The following ZNF678 variants were observed in gnomAD, a reference collection of about 807,000 sequenced individuals.
ZNF678 encodes hypothetical protein MGC42493.
ZNF678 carries 5 observed loss-of-function variants against 3.0 expected under a neutral mutation model. That is an observed-to-expected ratio of 1.69 (90% CI 0.88 to 3.56). The LOEUF is 3.56. ZNF678 is among the 30% of genes most tolerant of loss of function. ZNF678 has a pLI of 0.00. For synonymous variants in ZNF678, 218 were observed against 199.6 expected (o/e 1.09, Z -0.78); for missense variants, 593 against 605.0 (o/e 0.98, Z 0.21).
chr1:227,665,854 C>G (rs185626071), downstream of ZNF678, among the ~76,000 whole-genome samples: 1 of 152,160 alleles, frequency 6.6e-6, no homozygotes, highest in African/African-American at 2.4e-5. Flanking sequence ...GGCAACTGCT[C>G]TCTCCTGGGA....
At chr1:227,565,982 T>C (rs1656673672) in intron 1 of ZNF678, among the ~76,000 whole-genome samples, 1 of 152,150 alleles carries the variant, frequency 6.6e-6, no homozygotes, top group African/African-American at 2.4e-5. Flanking sequence ...AGGATGGTCT[T>C]GATCTCCTGA....
At chr1:227,575,604 A>C (rs1461210321) in intron 1 of ZNF678, among the ~76,000 whole-genome samples, 1 of 152,008 alleles carries the variant, frequency 6.6e-6, no homozygotes, top group African/African-American at 2.4e-5. Context: ...GTATCCTGAG[A>C]CTTTACTGAA....
At chr1:227,646,411 T>C (rs1342651940) in intron 1 of ZNF678, 133 bp from the exon 2 acceptor site, 15 of 806,560 alleles carry the variant, frequency 1.9e-5, no homozygotes, top group Non-Finnish European at 2.3e-5. Flanking sequence ...CGAGAATCTT[T>C]GTGTTTTAAA....
At chr1:227,642,959 T>G (rs939323555) in intron 1 of ZNF678, among the ~76,000 whole-genome samples, 1 of 91,246 alleles carries the variant, frequency 1.1e-5, no homozygotes, top group Non-Finnish European at 2.3e-5. Flanking sequence ...CAAATGGAGC[T>G]GTCATGGCTC....
At chr1:227,582,773 C>G (rs1657163662) in intron 1 of ZNF678, among the ~76,000 whole-genome samples, 1 of 152,126 alleles carries the variant, frequency 6.6e-6, no homozygotes, top group South Asian at 2.1e-4. Flanking sequence ...AGATAAGAAT[C>G]AAGATCTTTT....
chr1:227,638,098 G>A lies in ZNF678; in HGVS notation c.-163-8446G>A, dbSNP rs1363479801. ...TGAGCAAGGGCCTGTCCAAAAAGGTGGGGGCTGTCTCTGAAACATTGAGGT... is the reference window on the plus strand; with the variant it reads ...TGAGCAAGGGCCTGTCCAAAAAGGTAGGGGCTGTCTCTGAAACATTGAGGT... On this transcript the variant is annotated intron_variant, in intron 1 of 3. Coordinates refer to ENST00000343776, the MANE Select transcript of ZNF678 (RefSeq NM_001367909.1). The surrounding 1 kb of genome is among the most constrained non-coding windows in gnomAD (Gnocchi z 4.2). Among the ~76,000 whole-genome samples, 1 of 152,148 alleles carries A rather than the reference G, an allele frequency of 6.6e-6. No homozygotes were observed. Among genetic ancestry groups the A allele is most frequent in the Non-Finnish European group, 1.5e-5 (1 of 68,024 alleles).
At chr1:227,607,737 ATTTAT>A (rs1052169825) in intron 1 of ZNF678, among the ~76,000 whole-genome samples, 4 of 145,978 alleles carry the variant, frequency 2.7e-5, no homozygotes, top group African/African-American at 9.9e-5. Flanking sequence ...TATTTTATAT[ATTTAT>A]TTTATAATAT....
chr1:227,594,921 T>A (rs1044197402), intron 1 of ZNF678, among the ~76,000 whole-genome samples: 1 of 152,232 alleles, frequency 6.6e-6, no homozygotes, highest in Non-Finnish European at 1.5e-5. Context: ...GTTATTTTTT[T>A]TACTGTTTTT....
intron 1 of ZNF678, among the ~76,000 whole-genome samples, chr1:227,565,454 T>C (rs1487369174): frequency 1.3e-5 from 2 of 152,196 alleles, no homozygotes; most frequent in East Asian, 1.9e-4. Flanking sequence ...ACTCCTGGAC[T>C]CAAGTGATTT....
chr1:227,571,460 C>G (rs1293026082), intron 1 of ZNF678, among the ~76,000 whole-genome samples: 1 of 152,068 alleles, frequency 6.6e-6, no homozygotes, highest in Non-Finnish European at 1.5e-5. Flanking sequence ...TTGGTTTTAC[C>G]TAAGCATTAT....
At position 227,646,544 on chromosome 1, in the gene ZNF678, G is replaced by A. The variant is rs193291380; in HGVS notation, c.-163G>A. On this transcript the variant is annotated splice_region_variant and 5_prime_UTR_variant, in exon 2 of 4. Transcript: ENST00000343776. Reference sequence around the variant, plus strand: ...ACGTGTGTATTTTTCCCCCCCCCAGGGACTACTGGCATTCAGTGATGTGGT... The same window carrying A: ...ACGTGTGTATTTTTCCCCCCCCCAGAGACTACTGGCATTCAGTGATGTGGT... 8.8e-6 allele frequency: 12 copies of A among 1,370,726 alleles called. No homozygotes were observed. The African/African-American group carries it at 1.2e-4, about 13-fold the overall frequency. 84.9% of individuals were successfully genotyped at this position (1,370,726 alleles called of 1,614,324 possible). A position where few individuals can be genotyped will look rare whatever the true frequency, so the allele number is the denominator to read the frequency against.
intron 1 of ZNF678, among the ~76,000 whole-genome samples, chr1:227,574,367 C>G (rs1656935360): frequency 6.6e-6 from 1 of 152,164 alleles, no homozygotes; most frequent in South Asian, 2.1e-4. Flanking sequence ...GCCATTCTGA[C>G]TGGTGTGAGA....
Position 227,643,627 on chromosome 1 carries a change from T to G in ZNF678, c.-163-2917T>G, listed in dbSNP as rs548765824. ...AAACAGATAAATGGGAGCCGAAGAC[T>G]ATATTTTGGTGCCTTAATTTTTATT... is the stretch of plus-strand genomic sequence containing the variant. On this transcript the variant is annotated intron_variant, in intron 1 of 3. Transcript: ENST00000343776. Among the ~76,000 whole-genome samples the G allele has an allele frequency of 8.3e-4, 127 of 152,290 alleles. 1 individual carries two copies. Among genetic ancestry groups the G allele is most frequent in the Non-Finnish European group, 1.5e-3 (104 of 68,026 alleles).
chr1:227,589,852 C>T (rs1047494418), intron 1 of ZNF678, among the ~76,000 whole-genome samples: 3 of 151,744 alleles, frequency 2.0e-5, no homozygotes, highest in Admixed American at 1.3e-4. Context: ...TTAGTTTTTA[C>T]TTCTTCTTTC....
intron 1 of ZNF678, among the ~76,000 whole-genome samples, chr1:227,611,017 C>T (rs1249543855): frequency 6.6e-6 from 1 of 152,232 alleles, no homozygotes; most frequent in Non-Finnish European, 1.5e-5. Context: ...AATTCCTCTG[C>T]AACTTGGTTT....
intron 1 of ZNF678, among the ~76,000 whole-genome samples, chr1:227,606,343 C>T (rs998520827): frequency 1.3e-5 from 2 of 152,150 alleles, no homozygotes; most frequent in Non-Finnish European, 2.9e-5. Context: ...GTACTGTGCC[C>T]GGATGTACAC....
At chr1:227,599,248 A>G (rs1422806558) in intron 1 of ZNF678, among the ~76,000 whole-genome samples, 1 of 152,180 alleles carries the variant, frequency 6.6e-6, no homozygotes, top group African/African-American at 2.4e-5. Context: ...ATCACATTCT[A>G]ATTCCGTTGG....
intron 1 of ZNF678, among the ~76,000 whole-genome samples, chr1:227,624,372 T>A (rs951308624): frequency 3.3e-5 from 5 of 152,142 alleles, no homozygotes; most frequent in Non-Finnish European, 5.9e-5. Context: ...GAACCAGAAA[T>A]TAGGTGCATA....
chr1:227,611,060 T>C (rs1312464184), intron 1 of ZNF678, among the ~76,000 whole-genome samples: 1 of 152,256 alleles, frequency 6.6e-6, no homozygotes, highest in African/African-American at 2.4e-5. Flanking sequence ...TGTTTTGTTT[T>C]GTCTCAATTT....
Sources: gnomAD v4.1 joint callset for allele counts (sites outside exome capture counted in the v4.1 genomes callset) on GRCh38, gnomAD v4.1.1 for gene constraint, Gnocchi (gnomAD v3.1) non-coding constraint, MANE v1.5 for transcripts, NCBI Gene and HGNC (gene_info 2026-07-23, HGNC 2026-07-21) for gene names.